KCTD2: variants seen among roughly 807,000 people sequenced by gnomAD.
KCTD2 encodes potassium channel tetramerization domain containing 2.
Under a neutral mutation model 27.9 loss-of-function variants are expected in KCTD2, and 18 were observed. The ratio of observed to expected loss-of-function variants is 0.64; its 90% CI spans 0.45 to 0.96. The LOEUF (loss-of-function observed/expected upper bound fraction) is 0.96. Among genes scored for constraint, KCTD2 ranks in the 40% least tolerant of loss-of-function variants. The pLI, the probability that KCTD2 is intolerant of heterozygous loss-of-function variation, is 0.00. For missense variants in KCTD2, 280 were observed against 348.0 expected, an observed-to-expected ratio of 0.80 and a Z score of 1.56; for synonymous variants, 175 against 148.4, an observed-to-expected ratio of 1.18 and a Z score of -1.30.
chr17:75,042,311 T>G, upstream of KCTD2: 1 of 1,604,856 alleles, frequency 6.2e-7, no homozygotes, highest in Non-Finnish European at 8.5e-7. Flanking sequence ...TTAGGATTGT[T>G]CATAAGCAGT....
At chr17:75,038,847 G>A in intron 3 of KCTD2, 1 of 1,434,960 alleles carries the variant, frequency 7.0e-7, no homozygotes, top group South Asian at 1.4e-5. Flanking sequence ...CCACAGAGAA[G>A]AAGCACACCC....
At chr17:75,034,441 G>A (rs2040094067) in intron 2 of KCTD2, among the ~76,000 whole-genome samples, 1 of 152,198 alleles carries the variant, frequency 6.6e-6, no homozygotes, top group African/African-American at 2.4e-5. Flanking sequence ...CACCCCAGGT[G>A]GGACTCGAAC....
At chr17:75,042,125 G>T in intron 3 of KCTD2, 1 of 1,467,756 alleles carries the variant, frequency 6.8e-7, no homozygotes, top group Non-Finnish European at 9.4e-7. Flanking sequence ...CCCTGTTCCT[G>T]CTCCCTACCC....
At chr17:75,044,418 G>A (rs1244273249), upstream of KCTD2, among the ~76,000 whole-genome samples, 1 of 113,202 alleles carries the variant, frequency 8.8e-6, no homozygotes, top group Admixed American at 7.6e-5. Context: ...TGTTAGCCAG[G>A]ATGGTCTCGA....
At chr17:75,035,116 C>G (rs951382326) in intron 2 of KCTD2, 1 of 152,098 alleles carries the variant, frequency 6.6e-6, no homozygotes, top group African/African-American at 2.4e-5. Context: ...AGCCGGAGAC[C>G]GCGTGGCCTA....
At chr17:75,042,247 A>T (rs1415111720), upstream of KCTD2, 1 of 1,614,228 alleles carries the variant, frequency 6.2e-7, no homozygotes, top group South Asian at 1.1e-5. Context: ...CCCAGTCGAT[A>T]GCTGGTGGAT....
Position 75,049,286 on chromosome 17 carries a change from C to T in KCTD2, c.406C>T (p.Arg136Cys), listed in dbSNP as rs761691109. The change falls in exon 2 of 6, where the codon CGC (arginine) becomes TGC (cysteine). Residue 136 changes from arginine to cysteine, a missense_variant. Transcript: ENST00000322444. ...CTTTGGTCCTATCCTCAACTACCTC[C>T]GCCACGGGAAACTCATCATCACTAA... ...TYFGPILNYL[R>C]HGKLIITKEL... 3 of 1,613,724 alleles carry T rather than the reference C, an allele frequency of 1.9e-6. No homozygotes were observed. Among genetic ancestry groups the T allele is most frequent in the South Asian group, 1.1e-5 (1 of 91,060 alleles).
intron 3 of KCTD2, chr17:75,039,488 C>G: frequency 1.9e-6 from 1 of 535,848 alleles, no homozygotes; most frequent in South Asian, 2.3e-5. Flanking sequence ...AGGATGGCAG[C>G]ACCCGGCTGC....
At chr17:75,033,332 CTT>C (rs763950578) in intron 1 of KCTD2, among the ~76,000 whole-genome samples, 1 of 151,756 alleles carries the variant, frequency 6.6e-6, no homozygotes, top group African/African-American at 2.4e-5. Flanking sequence ...TGTGCTTATT[CTT>C]TGTTAGAATT....
intron 3 of KCTD2, among the ~76,000 whole-genome samples, chr17:75,054,977 A>T (rs1191960263): frequency 6.6e-6 from 1 of 152,090 alleles, no homozygotes; most frequent in Non-Finnish European, 1.5e-5. Context: ...TTCCCATCAG[A>T]TACTGGTAGT....
chr17:75,052,767 G>A (rs1598123509), intron 2 of KCTD2, among the ~76,000 whole-genome samples: 1 of 152,260 alleles, frequency 6.6e-6, no homozygotes, highest in East Asian at 1.9e-4. Flanking sequence ...GGTGGTATGT[G>A]CCTGTAGTCC....
intron 1 of KCTD2, 36 bp downstream of exon 1, chr17:75,047,625 G>A (rs2073239553): frequency 1.3e-6 from 2 of 1,578,776 alleles, no homozygotes; most frequent in Non-Finnish European, 1.7e-6. Context: ...CCGGGCCTTC[G>A]AACCCCCTGG....
intron 2 of KCTD2, among the ~76,000 whole-genome samples, chr17:75,051,441 C>T (rs376884901): frequency 4.0e-5 from 6 of 151,888 alleles, no homozygotes; most frequent in Middle Eastern, 3.4e-3. Context: ...CATGCCACCA[C>T]GCCTGGCTAA....
chr17:75,054,942 C>T (rs1459241879), intron 3 of KCTD2, among the ~76,000 whole-genome samples: 2 of 152,172 alleles, frequency 1.3e-5, no homozygotes, highest in African/African-American at 4.8e-5. Context: ...CCATGACTAC[C>T]TGTGTTGTAG....
intron 3 of KCTD2, among the ~76,000 whole-genome samples, chr17:75,055,478 G>A (rs1269124645): frequency 6.6e-6 from 1 of 151,960 alleles, no homozygotes; most frequent in African/African-American, 2.4e-5. Flanking sequence ...CACTCTGGGA[G>A]GCTGAGGAGG....
chr17:75,032,841 GC>G lies in KCTD2; in HGVS notation c.-470+118del, dbSNP rs1391781115. The G allele has an allele frequency of 2.0e-5, 3 of 152,326 alleles. No individual in the cohort carries two copies. Among genetic ancestry groups the G allele is most frequent in the African/African-American group, 7.2e-5 (3 of 41,470 alleles). The allele number at this position is 152,326 out of a possible 1,614,324, so 9.4% of individuals were successfully genotyped here. A position where few individuals can be genotyped will look rare whatever the true frequency, so the allele number is the denominator to read the frequency against. ...CCCTGGGGCAGAGTGCTGGATCCCAGCAACGGACAAGTTAGTTAACTTAAAG... is the reference window on the plus strand; with the variant it reads ...CCCTGGGGCAGAGTGCTGGATCCCAGAACGGACAAGTTAGTTAACTTAAAG... On this transcript the variant is annotated intron_variant, in intron 1 of 7. Coordinates refer to the KCTD2 transcript ENST00000581589. This position sits in a 1 kb window ranked among gnomAD's most constrained non-coding sequence, Gnocchi z 4.8.
At chr17:75,037,309 A>C (rs537830042) in intron 3 of KCTD2, among the ~76,000 whole-genome samples, 3 of 147,198 alleles carry the variant, frequency 2.0e-5, no homozygotes, top group Non-Finnish European at 4.4e-5. Context: ...GTGCCACTGC[A>C]CTCCAGCCTG....
chr17:75,065,083 C>T lies in KCTD2; in HGVS notation c.*2036C>T, dbSNP rs1236691003. The T allele has an allele frequency of 6.6e-6, 1 of 152,202 alleles. No individual in the cohort carries two copies. The highest frequency in any genetic ancestry group is 1.5e-5 in the Non-Finnish European group (1 of 68,072). The allele number at this position is 152,202 out of a possible 1,614,324, so 9.4% of individuals were successfully genotyped here. ...GTCAGACACCAATGTTGAGCACCTC[C>T]TGAGGGCGCCGTTTCCTTCATTCCT... On this transcript the variant is annotated 3_prime_UTR_variant, in exon 6 of 6. Coordinates refer to ENST00000322444, the MANE Select transcript of KCTD2 (RefSeq NM_015353.3).
upstream of KCTD2, chr17:75,047,143 C>T (rs2073229746): frequency 1.0e-5 from 3 of 296,470 alleles, no homozygotes; most frequent in Non-Finnish European, 1.8e-5. Context: ...GCTCCCGTCC[C>T]TCTCCCCTCT....
Sources: gnomAD v4.1 joint callset for allele counts (sites outside exome capture counted in the v4.1 genomes callset) on GRCh38, gnomAD v4.1.1 for gene constraint, Gnocchi (gnomAD v3.1) non-coding constraint, MANE v1.5 for transcripts, NCBI Gene and HGNC (gene_info 2026-07-23, HGNC 2026-07-21) for gene names.